Variants in RCBTB2 observed in about 807,000 individuals in gnomAD.
RCBTB2 encodes the protein RCC1 and BTB domain-containing protein 2.
A neutral mutation model predicts 65.4 loss-of-function variants in RCBTB2; 55 were observed. That is an observed-to-expected ratio of 0.84 (90% CI 0.68 to 1.05). RCBTB2 has a LOEUF of 1.05. RCBTB2 is among the 50% of genes least tolerant of loss of function. The pLI is 0.00. For missense variants in RCBTB2, 599 were observed against 680.1 expected, an observed-to-expected ratio of 0.88 and a Z score of 1.33; for synonymous variants, 220 against 255.2, an observed-to-expected ratio of 0.86 and a Z score of 1.31.
intron 14 of RCBTB2, 67 bp downstream of exon 14, chr13:48,496,124 G>A: frequency 7.4e-7 from 1 of 1,346,824 alleles, no homozygotes; most frequent in Non-Finnish European, 9.7e-7. Context: ...TTTAGTTTAA[G>A]GTACGAGGCA....
rs117248068 is a variant in RCBTB2 at position 48,502,546 on chromosome 13, T to C, written c.1117+178A>G. Among the ~76,000 whole-genome samples, 875 of 152,132 alleles carry C rather than the reference T, an allele frequency of 5.8e-3. 5 individuals are homozygous for C. The highest frequency in any genetic ancestry group is 0.01 in the Middle Eastern group (3 of 290). ...TCAAATAAAATTACTTTTAGTTTAGTACTGGTGTTGATTTCTGATGCTCTG... is the reference window on the plus strand; with the variant it reads ...TCAAATAAAATTACTTTTAGTTTAGCACTGGTGTTGATTTCTGATGCTCTG... On this transcript the variant is annotated intron_variant, in intron 11 of 14. Transcript: ENST00000344532.
chr13:48,500,836 C>A (rs9332049), intron 12 of RCBTB2, among the ~76,000 whole-genome samples: 2 of 152,270 alleles, frequency 1.3e-5, no homozygotes, highest in Admixed American at 1.3e-4. Context: ...AATCCACCCC[C>A]CTTCTTTCAT....
intron 10 of RCBTB2, chr13:48,504,284 G>C (rs1004552538): frequency 1.6e-5 from 16 of 985,118 alleles, no homozygotes; most frequent in Non-Finnish European, 1.9e-5. Flanking sequence ...ACTTTCACAC[G>C]GGCAGTGGCT....
At chr13:48,493,189 A>G (rs1176768743) in intron 14 of RCBTB2, among the ~76,000 whole-genome samples, 1 of 147,552 alleles carries the variant, frequency 6.8e-6, no homozygotes, top group African/African-American at 2.5e-5. Context: ...CACCATCATC[A>G]CTTACTGGAT....
At position 48,501,805 on chromosome 13, in the gene RCBTB2, G is replaced by A. The variant is rs769432633; in HGVS notation, c.1181C>T (p.Ala394Val). Reference sequence around the variant, plus strand: ...TCCATCAACTAGAAACTTCAGGTCTGCAGTGTCCGGGTTGTCAAATTCCCT... The same window carrying A: ...TCCATCAACTAGAAACTTCAGGTCTACAGTGTCCGGGTTGTCAAATTCCCT... ...LKREFDNPDTADLKFLVDGKY... is the reference protein window; with the variant it reads ...LKREFDNPDTVDLKFLVDGKY... Residue 394 changes from alanine (A) to valine (V), a missense_variant, in exon 12 of 15, where the codon GCA becomes GTA. Transcript: ENST00000344532. The A allele has an allele frequency of 4.7e-5, 76 of 1,612,690 alleles. No individual in the cohort carries two copies. Among genetic ancestry groups the A allele is most frequent in the Non-Finnish European group, 6.4e-5 (76 of 1,178,764 alleles).
intron 2 of RCBTB2, among the ~76,000 whole-genome samples, chr13:48,522,717 T>C (rs2138615296): frequency 6.6e-6 from 1 of 152,324 alleles, no homozygotes. Flanking sequence ...AGCAATTTAA[T>C]AAGGCTGTAT....
intron 13 of RCBTB2, 144 bp from the exon 14 acceptor site, chr13:48,496,465 C>T (rs1241037857): frequency 1.3e-6 from 1 of 741,100 alleles, no homozygotes; most frequent in East Asian, 3.3e-5. Flanking sequence ...CTGACTGACA[C>T]TTACACTTCA....
chr13:48,532,043 T>G (rs981610617), intron 1 of RCBTB2: 2 of 152,248 alleles, frequency 1.3e-5, no homozygotes, highest in African/African-American at 4.8e-5. Context: ...TATTCAGCTC[T>G]GACAAGGTAA....
At chr13:48,528,489 G>T (rs759696213) in intron 1 of RCBTB2, among the ~76,000 whole-genome samples, 2 of 152,068 alleles carry the variant, frequency 1.3e-5, no homozygotes, top group African/African-American at 4.8e-5. Flanking sequence ...ATAATCAAAA[G>T]AAACAGGAAA....
chr13:48,517,983 T>C (rs1395081061), intron 4 of RCBTB2, among the ~76,000 whole-genome samples: 1 of 152,102 alleles, frequency 6.6e-6, no homozygotes, highest in African/African-American at 2.4e-5. Flanking sequence ...GAAGGCCAGA[T>C]GACAACAGAC....
intron 13 of RCBTB2, among the ~76,000 whole-genome samples, chr13:48,499,170 A>ACACT (rs1555299770): frequency 1.6e-5 from 2 of 125,548 alleles, no homozygotes; most frequent in African/African-American, 7.0e-5. Context: ...TCTCTCTCTC[A>ACACT]CACACACACA....
chr13:48,525,270 T>C (rs1352033136), intron 1 of RCBTB2, among the ~76,000 whole-genome samples: 4 of 150,062 alleles, frequency 2.7e-5, no homozygotes, highest in African/African-American at 7.3e-5. Flanking sequence ...ACATGCATAA[T>C]GGACAGCTTG....
At chr13:48,533,779 A>C (rs946826722), upstream of RCBTB2, among the ~76,000 whole-genome samples, 1 of 152,216 alleles carries the variant, frequency 6.6e-6, no homozygotes, top group African/African-American at 2.4e-5. Context: ...GTGTGCAATA[A>C]TTTCTTCCAC....
intron 14 of RCBTB2, among the ~76,000 whole-genome samples, chr13:48,494,659 A>AT (rs9332058): frequency 0.032 from 4,806 of 152,318 alleles, 224 homozygotes; most frequent in African/African-American, 0.11. Flanking sequence ...CCTGATTCAG[A>AT]TGCAAACACC....
chr13:48,527,952 G>A (rs1951897810), intron 1 of RCBTB2, among the ~76,000 whole-genome samples: 1 of 152,118 alleles, frequency 6.6e-6, no homozygotes, highest in Non-Finnish European at 1.5e-5. Context: ...ATTATTTGTG[G>A]CAAAGTAATC....
chr13:48,490,641 T>G (rs1038480447), intron 14 of RCBTB2, among the ~76,000 whole-genome samples: 4 of 152,200 alleles, frequency 2.6e-5, no homozygotes, highest in African/African-American at 7.2e-5. Flanking sequence ...TATATCAGCG[T>G]CTTTAAGTAT....
chr13:48,532,875 G>C (rs1471856838), intron 1 of RCBTB2, 153 bp downstream of exon 1: 3 of 398,540 alleles, frequency 7.5e-6, no homozygotes, highest in South Asian at 5.2e-5. Context: ...GCACGGTCGC[G>C]GCTCTAGTCC....
At chr13:48,510,355 T>C (rs1950713494) in intron 10 of RCBTB2, among the ~76,000 whole-genome samples, 1 of 152,126 alleles carries the variant, frequency 6.6e-6, no homozygotes, top group Non-Finnish European at 1.5e-5. Context: ...GGCAGAAGAG[T>C]AACAGAATAG....
chr13:48,512,525 T>C (rs1240668137), intron 7 of RCBTB2, among the ~76,000 whole-genome samples: 1 of 152,236 alleles, frequency 6.6e-6, no homozygotes, highest in Non-Finnish European at 1.5e-5. Flanking sequence ...TACCTCCTTT[T>C]AAATTTTGCA....
Sources: allele counts gnomAD v4.1 joint callset (sites outside exome capture counted in the v4.1 genomes callset), GRCh38; gene constraint gnomAD v4.1.1; transcripts MANE v1.5; gene names NCBI Gene and HGNC (gene_info 2026-07-23, HGNC 2026-07-21).